The following PPFIA1 variants were observed in gnomAD, a reference collection of about 807,000 sequenced individuals.
PPFIA1 encodes PPFI scaffold protein A1.
A neutral mutation model predicts 149.9 loss-of-function variants in PPFIA1; 25 were observed. The ratio of observed to expected loss-of-function variants is 0.17; its 90% CI spans 0.12 to 0.23. The LOEUF (loss-of-function observed/expected upper bound fraction) is 0.23. Among genes scored for constraint, PPFIA1 ranks in the 10% least tolerant of loss-of-function variants. PPFIA1 has a pLI of 1.00. For missense variants in PPFIA1, 1,362 were observed against 1,506.5 expected (o/e 0.90, Z 1.59); for synonymous variants, 549 against 552.8 (o/e 0.99, Z 0.10).
intron 21 of PPFIA1, chr11:70,366,029 A>G (rs912268560): frequency 2.2e-6 from 1 of 447,178 alleles, no homozygotes. Context: ...CAATTGGAGT[A>G]TGAAAACTTG....
chr11:70,378,464 CAGAG>C (rs1331102032), intron 26 of PPFIA1: 5 of 1,158,088 alleles, frequency 4.3e-6, no homozygotes, highest in South Asian at 6.8e-5. Flanking sequence ...TCTGTGTTCT[CAGAG>C]AGAGACTGAG....
chr11:70,323,782 T>A (rs1413723591), intron 2 of PPFIA1, among the ~76,000 whole-genome samples: 1 of 152,164 alleles, frequency 6.6e-6, no homozygotes, highest in African/African-American at 2.4e-5. Flanking sequence ...AGAAGTTGAT[T>A]ACCCACAGTA....
At chr11:70,321,832 CT>C (rs1271710276) in intron 2 of PPFIA1, among the ~76,000 whole-genome samples, 1 of 152,206 alleles carries the variant, frequency 6.6e-6, no homozygotes, top group Non-Finnish European at 1.5e-5. Context: ...CGACTCTGTA[CT>C]TTGACTTGAC....
At chr11:70,308,685 A>T (rs983939851) in intron 2 of PPFIA1, among the ~76,000 whole-genome samples, 8 of 152,144 alleles carry the variant, frequency 5.3e-5, no homozygotes, top group African/African-American at 1.4e-4. Flanking sequence ...TAATCCCAGC[A>T]TTTTGGGAGG....
chr11:70,308,940 A>T (rs188833328), intron 2 of PPFIA1, among the ~76,000 whole-genome samples: 1 of 152,190 alleles, frequency 6.6e-6, no homozygotes, highest in Non-Finnish European at 1.5e-5. Context: ...AACAAATGTA[A>T]GAATAAAAAG....
At chr11:70,319,543 G>C (rs535093960) in intron 2 of PPFIA1, among the ~76,000 whole-genome samples, 19 of 152,152 alleles carry the variant, frequency 1.2e-4, no homozygotes, top group Non-Finnish European at 1.5e-4. Context: ...TCCAGCCCGG[G>C]GGTAGCAGTG....
chr11:70,277,554 G>C (rs932032632), intron 2 of PPFIA1, among the ~76,000 whole-genome samples: 1 of 151,228 alleles, frequency 6.6e-6, no homozygotes, highest in Non-Finnish European at 1.5e-5. Context: ...GCAGTGGCAC[G>C]ATCTTGGCGC....
chr11:70,286,477 C>T (rs1320076670), intron 2 of PPFIA1, among the ~76,000 whole-genome samples: 1 of 152,182 alleles, frequency 6.6e-6, no homozygotes, highest in Non-Finnish European at 1.5e-5. Flanking sequence ...TCTTGAACTC[C>T]TGACCTCTGA....
rs147347802 is a variant in PPFIA1, at chr11:70,289,999, C to T, written c.264+17563C>T. Among the ~76,000 whole-genome samples the T allele has an allele frequency of 1.8e-3, 271 of 152,288 alleles. 2 individuals carry two copies. Among genetic ancestry groups the T allele is most frequent in the African/African-American group, 6.3e-3 (261 of 41,550 alleles). ...AATCCCACACTTCGGGAGGCTGAGG[C>T]AGGTGCATCACTTGAGCCCAGGTGT... On this transcript the variant is annotated intron_variant, in intron 2 of 27. Coordinates refer to ENST00000253925, the MANE Select transcript of PPFIA1 (RefSeq NM_003626.5).
At chr11:70,295,697 C>G (rs571759174) in intron 2 of PPFIA1, among the ~76,000 whole-genome samples, 4 of 138,818 alleles carry the variant, frequency 2.9e-5, no homozygotes, top group Non-Finnish European at 4.6e-5. Flanking sequence ...TGACCCCCCC[C>G]ACCTCCCTCC....
chr11:70,355,551 G>A, intron 17 of PPFIA1, 88 bp from the exon 18 acceptor site: 3 of 1,246,598 alleles, frequency 2.4e-6, no homozygotes, highest in South Asian at 3.0e-5. Context: ...GAAAGAGACT[G>A]GAAGTGCTTG....
At position 70,279,905 on chromosome 11, in the gene PPFIA1, A is replaced by ATTGTGTGTGTGTGTGTGTGTGTGTGTG. The variant is rs368563994; in HGVS notation, c.264+7470_264+7471insTGTGTGTGTGTGTGTGTGTGTGTGTGT. Among the ~76,000 whole-genome samples, 707 of 144,952 alleles carry ATTGTGTGTGTGTGTGTGTGTGTGTGTG rather than the reference A, an allele frequency of 4.9e-3. 13 individuals carry two copies. The highest frequency in any genetic ancestry group is 0.018 in the African/African-American group (675 of 37,660). ...TGTCCGGCCTGTGTGTGTGTGGGGG[A>ATTGTGTGTGTGTGTGTGTGTGTGTGTG]TGTGTGTGTGTGTATATTTTTGGGA... On this transcript the variant is annotated intron_variant, in intron 2 of 27. Transcript: ENST00000253925.
intron 21 of PPFIA1, among the ~76,000 whole-genome samples, chr11:70,368,514 C>T (rs986817417): frequency 2.0e-5 from 3 of 152,150 alleles, no homozygotes; most frequent in Admixed American, 6.5e-5. Flanking sequence ...TCAGGTACCT[C>T]GGGTACCTTC....
intron 2 of PPFIA1, among the ~76,000 whole-genome samples, chr11:70,286,070 C>T (rs2051097904): frequency 6.6e-6 from 1 of 152,144 alleles, no homozygotes; most frequent in African/African-American, 2.4e-5. Context: ...GTTTCAGCTG[C>T]CCACTGTACT....
chr11:70,302,030 A>G (rs1317080837), intron 2 of PPFIA1, among the ~76,000 whole-genome samples: 1 of 152,242 alleles, frequency 6.6e-6, no homozygotes, highest in Non-Finnish European at 1.5e-5. Context: ...CATGGAGTCT[A>G]AGTGGACTCA....
At chr11:70,330,916 CA>C (rs1241648929) in intron 8 of PPFIA1, among the ~76,000 whole-genome samples, 1 of 150,212 alleles carries the variant, frequency 6.7e-6, no homozygotes, top group Non-Finnish European at 1.5e-5. Flanking sequence ...CAGCCTGGGC[CA>C]CAGAACGAGA....
At chr11:70,335,043 G>T (rs374700126) in intron 10 of PPFIA1, among the ~76,000 whole-genome samples, 2 of 152,118 alleles carry the variant, frequency 1.3e-5, no homozygotes, top group East Asian at 3.9e-4. Context: ...TATAATTTTT[G>T]AATGTAAATT....
At chr11:70,271,862 G>A (rs2050119061) in intron 1 of PPFIA1, 1 of 127,280 alleles carries the variant, frequency 7.9e-6, no homozygotes, top group Non-Finnish European at 1.5e-5. Context: ...AAGCACACTT[G>A]TTTTCAGCAA....
chr11:70,331,625 CA>C (rs2054668774), intron 8 of PPFIA1, among the ~76,000 whole-genome samples: 1 of 151,976 alleles, frequency 6.6e-6, no homozygotes, highest in South Asian at 2.1e-4. Context: ...ACTAAAAATA[CA>C]AAAATTAGCC....
Sources: allele counts gnomAD v4.1 joint callset (sites outside exome capture counted in the v4.1 genomes callset), GRCh38; gene constraint gnomAD v4.1.1; transcripts MANE v1.5; gene names NCBI Gene and HGNC (gene_info 2026-07-23, HGNC 2026-07-21).